TAFA5: variants seen among roughly 807,000 people sequenced by gnomAD.
The protein encoded by TAFA5 is chemokine-like protein TAFA-5.
In TAFA5, 6 loss-of-function variants were observed where a neutral mutation model predicts 15.3. That is an observed-to-expected ratio of 0.39 (90% CI 0.21 to 0.77). TAFA5 has a LOEUF of 0.77. Among genes scored for constraint, TAFA5 ranks in the 30% least tolerant of loss-of-function variants. The pLI, the probability that TAFA5 is intolerant of heterozygous loss-of-function variation, is 0.41. For missense variants in TAFA5, 161 were observed against 193.1 expected, an observed-to-expected ratio of 0.83 and a Z score of 0.98; for synonymous variants, 103 against 80.7, an observed-to-expected ratio of 1.28 and a Z score of -1.48.
chr22:48,692,566 A>G (rs981723625), intron 2 of TAFA5, among the ~76,000 whole-genome samples: 3 of 152,076 alleles, frequency 2.0e-5, no homozygotes, highest in Non-Finnish European at 4.4e-5. Context: ...GCCTGCCCTT[A>G]CCTGGTTTTT....
At chr22:48,543,710 C>G (rs1922549687) in intron 1 of TAFA5, 1 of 152,572 alleles carries the variant, frequency 6.6e-6, no homozygotes, top group South Asian at 2.1e-4. Context: ...CCCACTGACT[C>G]CAGGCCTGCT....
At position 48,560,030 on chromosome 22, in the gene TAFA5, T is replaced by G. The variant is rs373966537; in HGVS notation, c.112+70326T>G. Among the ~76,000 whole-genome samples, 160 of 152,276 alleles carry G rather than the reference T, an allele frequency of 1.1e-3. No homozygotes were observed. Among genetic ancestry groups the G allele is most frequent in the Non-Finnish European group, 8.8e-5 (6 of 68,018 alleles). ...GGGCAGGAGTGACTGCAGGGTCTTC[T>G]TTCTATGCACACGCCGGCCATCCTC... On this transcript the variant is annotated intron_variant, in intron 1 of 3. Transcript: ENST00000402357. The surrounding 1 kb of genome is among the most constrained non-coding windows in gnomAD (Gnocchi z 4.2).
chr22:48,664,655 T>G (rs1457846679), intron 2 of TAFA5, among the ~76,000 whole-genome samples: 1 of 152,176 alleles, frequency 6.6e-6, no homozygotes, highest in Non-Finnish European at 1.5e-5. Context: ...CTTCTGTCAC[T>G]GCAGGTTTGC....
At chr22:48,718,278 A>G (rs1256889779) in intron 3 of TAFA5, among the ~76,000 whole-genome samples, 1 of 152,182 alleles carries the variant, frequency 6.6e-6, no homozygotes, top group Non-Finnish European at 1.5e-5. Flanking sequence ...TGTGGCCGTC[A>G]TTAGTCAGCA....
intron 1 of TAFA5, among the ~76,000 whole-genome samples, chr22:48,569,568 C>G (rs552581178): frequency 9.2e-5 from 14 of 152,330 alleles, no homozygotes; most frequent in African/African-American, 3.1e-4. Flanking sequence ...ACCAGAGCAA[C>G]CTCAGCGCTC....
intron 2 of TAFA5, among the ~76,000 whole-genome samples, chr22:48,681,324 C>T (rs1340824937): frequency 6.6e-6 from 1 of 152,112 alleles, no homozygotes; most frequent in African/African-American, 2.4e-5. Context: ...AGTAGAGACG[C>T]TCTCCTCATT....
intron 1 of TAFA5, among the ~76,000 whole-genome samples, chr22:48,507,192 C>CAGTCATCAAG (rs1921024881): frequency 1.0e-5 from 1 of 99,334 alleles, no homozygotes; most frequent in Non-Finnish European, 2.1e-5. Flanking sequence ...GAGAAGGAGA[C>CAGTCATCAAG]GGCCGCCAAG....
chr22:48,509,823 C>T (rs1569162962), intron 1 of TAFA5, among the ~76,000 whole-genome samples: 2 of 151,666 alleles, frequency 1.3e-5, no homozygotes, highest in Non-Finnish European at 1.5e-5. Context: ...CAGTGGCGGG[C>T]GCCTGTAGTC....
intron 1 of TAFA5, among the ~76,000 whole-genome samples, chr22:48,538,137 A>G (rs1477250080): frequency 1.3e-5 from 2 of 152,160 alleles, no homozygotes; most frequent in Non-Finnish European, 2.9e-5. Flanking sequence ...GGTTATAACA[A>G]AAAAAGAAAA....
chr22:48,662,331 G>T (rs1164371551), intron 2 of TAFA5, among the ~76,000 whole-genome samples: 1 of 152,156 alleles, frequency 6.6e-6, no homozygotes, highest in Non-Finnish European at 1.5e-5. Flanking sequence ...AGCCTCGGGG[G>T]TGCCAGGAAG....
chr22:48,576,272 C>G (rs899070758), intron 1 of TAFA5: 1 of 796,058 alleles, frequency 1.3e-6, no homozygotes, highest in African/African-American at 1.8e-5. Flanking sequence ...GCGGCGCCCC[C>G]CTCCCCCCGC....
chr22:48,533,887 T>C (rs5768710), intron 1 of TAFA5, among the ~76,000 whole-genome samples: 48,042 of 152,064 alleles, frequency 0.32, 8,518 homozygotes, highest in Middle Eastern at 0.46. Flanking sequence ...GTTTTCACCA[T>C]GTTTGGTGGA....
chr22:48,668,306 G>GC, intron 2 of TAFA5, among the ~76,000 whole-genome samples: 1 of 22,810 alleles, frequency 4.4e-5, no homozygotes, highest in Non-Finnish European at 6.1e-5. Context: ...TTCACTGGGA[G>GC]TGTTAATCCC....
At chr22:48,685,362 A>G (rs1169700843) in intron 2 of TAFA5, among the ~76,000 whole-genome samples, 1 of 152,240 alleles carries the variant, frequency 6.6e-6, no homozygotes, top group African/African-American at 2.4e-5. Context: ...GGATCCAGGA[A>G]AGACCTAGAA....
At chr22:48,497,560 G>T (rs1472428662) in intron 1 of TAFA5, among the ~76,000 whole-genome samples, 1 of 31,260 alleles carries the variant, frequency 3.2e-5, no homozygotes, top group Non-Finnish European at 6.9e-5. Flanking sequence ...TGGGGGCGGG[G>T]CTGAGGCCTG....
At chr22:48,725,240 C>G (rs1929682361) in intron 3 of TAFA5, among the ~76,000 whole-genome samples, 1 of 152,358 alleles carries the variant, frequency 6.6e-6, no homozygotes, top group East Asian at 1.9e-4. Flanking sequence ...GACGAGCTCC[C>G]CGCCATGCCC....
At chr22:48,658,079 C>T (rs954060158) in intron 2 of TAFA5, among the ~76,000 whole-genome samples, 1 of 152,222 alleles carries the variant, frequency 6.6e-6, no homozygotes, top group Non-Finnish European at 1.5e-5. Context: ...GGGGGCCCAG[C>T]ATGTGGTGCT....
intron 1 of TAFA5, among the ~76,000 whole-genome samples, chr22:48,620,270 G>C (rs1008509138): frequency 6.6e-6 from 1 of 152,022 alleles, no homozygotes; most frequent in Non-Finnish European, 1.5e-5. Flanking sequence ...CCAGGTCCCT[G>C]ACCCTTGGGT....
At chr22:48,675,632 A>G (rs1410270407) in intron 2 of TAFA5, among the ~76,000 whole-genome samples, 1 of 152,256 alleles carries the variant, frequency 6.6e-6, no homozygotes, top group African/African-American at 2.4e-5. Context: ...CCTAGGAGGC[A>G]TGTGCCGAGG....
Sources: allele counts gnomAD v4.1 joint callset (sites outside exome capture counted in the v4.1 genomes callset), GRCh38; gene constraint gnomAD v4.1.1; non-coding constraint Gnocchi (gnomAD v3.1); transcripts MANE v1.5; gene names NCBI Gene and HGNC (gene_info 2026-07-23, HGNC 2026-07-21).